ACVR2B: variants seen among roughly 807,000 people sequenced by gnomAD.
The protein encoded by ACVR2B is activin A receptor type 2B, also known as activin receptor type-2B.
In ACVR2B, 18 loss-of-function variants were observed where a neutral mutation model predicts 65.1. That is an observed-to-expected ratio of 0.28 (90% CI 0.19 to 0.41). The LOEUF is 0.41. ACVR2B is among the 10% of genes least tolerant of loss of function. ACVR2B has a pLI of 1.00. For synonymous variants in ACVR2B, 298 were observed against 277.7 expected, an observed-to-expected ratio of 1.07 and a Z score of -0.73; for missense variants, 482 against 682.7, an observed-to-expected ratio of 0.71 and a Z score of 3.28.
Position 38,477,851 on chromosome 3 carries a change from G to A in ACVR2B, c.261-10G>A, listed in dbSNP as rs1182587185. ...AGGTGAGGGGTATATGGAAAATTCT[G>A]TGCCTCCAGGCAGGAGTGTGTGGCC... On this transcript the variant is annotated splice_polypyrimidine_tract_variant and intron_variant, in intron 2 of 10. Coordinates refer to ENST00000352511, the MANE Select transcript of ACVR2B (RefSeq NM_001106.4). The surrounding 1 kb of genome is among the most constrained non-coding windows in gnomAD (Gnocchi z 6.7). 2 of 1,613,838 alleles carry A rather than the reference G, an allele frequency of 1.2e-6. No homozygotes were observed.
intron 1 of ACVR2B, among the ~76,000 whole-genome samples, chr3:38,462,136 G>A (rs908208049): frequency 2.6e-5 from 4 of 152,148 alleles, no homozygotes; most frequent in Admixed American, 6.5e-5. Context: ...GGAGCTTGCA[G>A]TGAGCCAAGA....
chr3:38,463,913 G>A (rs1216219153), intron 1 of ACVR2B, among the ~76,000 whole-genome samples: 1 of 152,204 alleles, frequency 6.6e-6, no homozygotes, highest in African/African-American at 2.4e-5. Flanking sequence ...GCATATGGTA[G>A]CCTTCTTGCT....
At chr3:38,464,021 C>G (rs553409160) in intron 1 of ACVR2B, among the ~76,000 whole-genome samples, 1 of 152,304 alleles carries the variant, frequency 6.6e-6, no homozygotes, top group East Asian at 1.9e-4. Flanking sequence ...CTCATTTAGC[C>G]TTAATTACCT....
At position 38,482,407 on chromosome 3, in the gene ACVR2B, G is replaced by T. The variant is rs1710033397; in HGVS notation, c.1214-23G>T. On this transcript the variant is annotated intron_variant, in intron 9 of 10. Coordinates refer to ENST00000352511, the MANE Select transcript of ACVR2B (RefSeq NM_001106.4). ...AGCAGTGGGACCTTAGAGTGATCCT[G>T]CCAGGCTCTCTCTTTCTCCTAGGAC... 3.1e-6 allele frequency: 5 copies of T among 1,611,474 alleles called. No individual in the cohort carries two copies. The African/African-American group carries it at 4.1e-5, about 13-fold the overall frequency.
In ACVR2B at chr3:38,487,372, G is replaced by A. The variant is rs916393098; in HGVS notation, c.*4040G>A. The A allele has an allele frequency of 6.6e-6, 1 of 152,196 alleles. No individual in the cohort carries two copies. The highest frequency in any genetic ancestry group is 1.5e-5 in the Non-Finnish European group (1 of 68,050). The allele number at this position is 152,196 out of a possible 1,614,324, so 9.4% of individuals were successfully genotyped here. On this transcript the variant is annotated 3_prime_UTR_variant, in exon 11 of 11. Coordinates refer to ENST00000352511, the MANE Select transcript of ACVR2B (RefSeq NM_001106.4). The stretch of plus-strand genomic sequence containing the variant: ...AGATAGTTCTTCCATTGCCCTAAGA[G>A]GCTAGGCTAACCCTCTTGACATAAC...
intron 1 of ACVR2B, among the ~76,000 whole-genome samples, chr3:38,455,224 A>C (rs974576053): frequency 1.3e-5 from 2 of 151,284 alleles, no homozygotes; most frequent in African/African-American, 4.9e-5. Flanking sequence ...CGGTCCAAGC[A>C]CCGATTTCCC....
At position 38,483,393 on chromosome 3, in the gene ACVR2B, G is replaced by A; in HGVS notation, c.*61G>A. ...TCTGAAGAAAAAAGGAAAAAAAGTT[G>A]TGTTTTGTTTTGGAAATCCCATAAA... On this transcript the variant is annotated 3_prime_UTR_variant, in exon 11 of 11. Transcript: ENST00000352511. This position sits in a 1 kb window ranked among gnomAD's most constrained non-coding sequence, Gnocchi z 4.8. The A allele has an allele frequency of 6.3e-7, 1 of 1,590,510 alleles. No individual in the cohort carries two copies. Among genetic ancestry groups the A allele is most frequent in the Middle Eastern group, 1.7e-4 (1 of 6,034 alleles).
Position 38,482,272 on chromosome 3 carries a change from C to T in ACVR2B, c.1149C>T (p.Arg383=). 1.2e-6 allele frequency: 2 copies of T among 1,613,208 alleles called. No homozygotes were observed. The highest frequency in any genetic ancestry group is 1.7e-6 in the Non-Finnish European group (2 of 1,179,868). The change falls in exon 9 of 11, where the codon CGC becomes CGT. Residue 383 remains arginine (R), a synonymous_variant. Coordinates refer to ENST00000352511, the MANE Select transcript of ACVR2B (RefSeq NM_001106.4). ...AINFQRDAFL[R]IDMYAMGLVL... is the part of the protein sequence containing the mutation. ...ACTTCCAGAGAGATGCCTTCCTGCG[C>T]ATTGACATGTATGCCATGGGGTTGG...
intron 4 of ACVR2B, 25 bp from the exon 5 acceptor site, chr3:38,478,350 C>T: frequency 6.2e-7 from 1 of 1,614,006 alleles, no homozygotes; most frequent in Non-Finnish European, 8.5e-7. Flanking sequence ...CAGGCCAGAC[C>T]TTTTTAAGCC....
intron 1 of ACVR2B, chr3:38,459,610 C>T: frequency 2.0e-6 from 2 of 985,440 alleles, no homozygotes; most frequent in Non-Finnish European, 2.4e-6. Flanking sequence ...CCATGTGGCG[C>T]TCCGGGGAGC....
intron 5 of ACVR2B, 37 bp from the exon 6 acceptor site, chr3:38,479,091 G>A: frequency 1.2e-6 from 2 of 1,613,344 alleles, no homozygotes; most frequent in Non-Finnish European, 1.7e-6. Flanking sequence ...GGCTAAGCCA[G>A]CCACTTGTCC....
At chr3:38,472,372 C>G (rs1328608502) in intron 1 of ACVR2B, among the ~76,000 whole-genome samples, 1 of 152,200 alleles carries the variant, frequency 6.6e-6, no homozygotes, top group Admixed American at 6.5e-5. Context: ...GGAGAGCTGC[C>G]TTTCCTCTCT....
chr3:38,462,029 C>A (rs1012429725), intron 1 of ACVR2B, among the ~76,000 whole-genome samples: 4 of 151,948 alleles, frequency 2.6e-5, no homozygotes, highest in Non-Finnish European at 4.4e-5. Flanking sequence ...CCCGTCTCTA[C>A]TAAAAATACA....
Position 38,482,455 on chromosome 3 carries a change from C to T in ACVR2B, c.1239C>T (p.Pro413=). The change falls in exon 10 of 11, where the codon CCC becomes CCT. Residue 413 remains proline, a synonymous_variant. Coordinates refer to ENST00000352511, the MANE Select transcript of ACVR2B (RefSeq NM_001106.4). Reference sequence around the variant, plus strand: ...GACCCGTGGATGAGTACATGCTGCCCTTTGAGGAAGAGATTGGCCAGCACC... The same window carrying T: ...GACCCGTGGATGAGTACATGCTGCCTTTTGAGGAAGAGATTGGCCAGCACC... The part of the protein sequence containing the change: ...ADGPVDEYML[P]FEEEIGQHPS... 4 of 1,612,636 alleles carry T rather than the reference C, an allele frequency of 2.5e-6. No homozygotes were observed. Among genetic ancestry groups the T allele is most frequent in the Non-Finnish European group, 3.4e-6 (4 of 1,179,820 alleles).
intron 1 of ACVR2B, among the ~76,000 whole-genome samples, chr3:38,466,335 A>C (rs1369302410): frequency 1.3e-5 from 2 of 152,202 alleles, no homozygotes; most frequent in African/African-American, 2.4e-5. Flanking sequence ...GGTATATTTC[A>C]AAATAGCCAG....
chr3:38,467,991 A>G (rs930849277), intron 1 of ACVR2B, among the ~76,000 whole-genome samples: 1 of 151,988 alleles, frequency 6.6e-6, no homozygotes. Context: ...TGATCTTCCC[A>G]CCTCAGCCTT....
chr3:38,490,485 G>T lies in ACVR2B; in HGVS notation c.*7153G>T, dbSNP rs1266554796. 6.6e-6 allele frequency: 1 copy of T among 152,528 alleles called. No homozygotes were observed. Among genetic ancestry groups the T allele is most frequent in the African/African-American group, 2.4e-5 (1 of 41,396 alleles). 9.4% of individuals were successfully genotyped at this position (152,528 alleles called of 1,614,324 possible). On this transcript the variant is annotated 3_prime_UTR_variant, in exon 11 of 11. Transcript: ENST00000352511. ...CAACCCCATCTGTTCCCCATAAAAA[G>T]AACATTTTCTCTGCTCTCCAGCCAC...
rs1025800207 is a variant in ACVR2B at position 38,478,366 on chromosome 3, C to T, written c.523-9C>T. The T allele has an allele frequency of 2.0e-5, 33 of 1,613,954 alleles. No homozygotes were observed. Among genetic ancestry groups the T allele is most frequent in the Admixed American group, 1.7e-4 (10 of 59,998 alleles). On this transcript the variant is annotated splice_polypyrimidine_tract_variant and intron_variant, in intron 4 of 10. Coordinates refer to ENST00000352511, the MANE Select transcript of ACVR2B (RefSeq NM_001106.4). ...AGGCCAGACCTTTTTAAGCCTTGCTCTCCCCCAGGACCCTGGGCCTCCACC... is the reference window on the plus strand; with the variant it reads ...AGGCCAGACCTTTTTAAGCCTTGCTTTCCCCCAGGACCCTGGGCCTCCACC...
At position 38,492,480 on chromosome 3, in the gene ACVR2B, T is replaced by G. The variant is rs1391426607; in HGVS notation, c.*9148T>G. 6.6e-6 allele frequency: 1 copy of G among 152,464 alleles called. No individual in the cohort carries two copies. Among genetic ancestry groups the G allele is most frequent in the Non-Finnish European group, 1.5e-5 (1 of 68,030 alleles). 9.4% of individuals were successfully genotyped at this position (152,464 alleles called of 1,614,324 possible). Reference sequence around the variant, plus strand: ...TCTTTCAAGTGCTAAAACTAAAGACTTCTAGTTTTTGGCTCAAATAAGTAC... The same window carrying G: ...TCTTTCAAGTGCTAAAACTAAAGACGTCTAGTTTTTGGCTCAAATAAGTAC... On this transcript the variant is annotated 3_prime_UTR_variant, in exon 11 of 11. Coordinates refer to ENST00000352511, the MANE Select transcript of ACVR2B (RefSeq NM_001106.4).
Sources: allele counts gnomAD v4.1 joint callset (sites outside exome capture counted in the v4.1 genomes callset), GRCh38; gene constraint gnomAD v4.1.1; non-coding constraint Gnocchi (gnomAD v3.1); transcripts MANE v1.5; gene names NCBI Gene and HGNC (gene_info 2026-07-23, HGNC 2026-07-21).